Variants in HDAC9 observed in about 807,000 individuals in gnomAD.
HDAC9 encodes MEF-2 interacting transcription repressor (MITR) protein.
HDAC9 carries 41 observed loss-of-function variants against 139.4 expected under a neutral mutation model. The observed-to-expected ratio is 0.29, with a 90% CI of 0.23 to 0.38. The LOEUF is 0.38. Ranked by LOEUF, HDAC9 falls within the 10% of genes least tolerant of loss-of-function variation. The pLI, the probability that HDAC9 is intolerant of heterozygous loss-of-function variation, is 1.00. For missense variants in HDAC9, 1,147 were observed against 1,297.0 expected (o/e 0.88, Z 1.78); for synonymous variants, 517 against 476.2 (o/e 1.09, Z -1.12).
chr7:18,391,390 CA>C (rs1202080586), intron 1 of HDAC9, among the ~76,000 whole-genome samples: 14 of 147,000 alleles, frequency 9.5e-5, no homozygotes, highest in South Asian at 4.3e-4. Flanking sequence ...ATCCCCCCCC[CA>C]AAAAAAAAAG....
At chr7:18,584,932 ATT>A (rs59009987) in intron 2 of HDAC9, among the ~76,000 whole-genome samples, 30 of 150,462 alleles carry the variant, frequency 2.0e-4, no homozygotes, top group South Asian at 8.4e-4. Context: ...ACATAATTCC[ATT>A]TTTTTTTTTG....
intron 2 of HDAC9, among the ~76,000 whole-genome samples, chr7:18,176,851 C>T (rs1788948344): frequency 6.6e-6 from 1 of 152,032 alleles, no homozygotes; most frequent in Non-Finnish European, 1.5e-5. Flanking sequence ...CTTACTTTGG[C>T]TTTATGTTTA....
chr7:18,317,034 C>G (rs1799700333), intron 1 of HDAC9, among the ~76,000 whole-genome samples: 1 of 151,104 alleles, frequency 6.6e-6, no homozygotes, highest in African/African-American at 2.4e-5. Flanking sequence ...GCAGAGCTTG[C>G]AGTGAGCCGA....
At chr7:18,436,825 G>A (rs1456752601) in intron 1 of HDAC9, among the ~76,000 whole-genome samples, 1 of 152,102 alleles carries the variant, frequency 6.6e-6, no homozygotes, top group Non-Finnish European at 1.5e-5. Flanking sequence ...AGATGAATAA[G>A]GAATAGATTT....
intron 2 of HDAC9, among the ~76,000 whole-genome samples, chr7:18,529,993 G>A (rs1411229160): frequency 2.6e-5 from 4 of 151,878 alleles, no homozygotes; most frequent in African/African-American, 9.7e-5. Context: ...ATTACAGGTC[G>A]GGCACGGTGG....
chr7:18,344,229 C>T (rs1585271912), intron 1 of HDAC9, among the ~76,000 whole-genome samples: 1 of 151,720 alleles, frequency 6.6e-6, no homozygotes, highest in Non-Finnish European at 1.5e-5. Flanking sequence ...GTGTCTTGAA[C>T]CCAGTAGATG....
At chr7:18,414,441 G>A (rs1434351989) in intron 1 of HDAC9, among the ~76,000 whole-genome samples, 1 of 147,140 alleles carries the variant, frequency 6.8e-6, no homozygotes, top group African/African-American at 2.5e-5. Context: ...GTATTCAGTT[G>A]AGGTAAATAA....
chr7:18,092,171 A>G (rs1460315989), intron 1 of HDAC9, among the ~76,000 whole-genome samples: 1 of 152,148 alleles, frequency 6.6e-6, no homozygotes, highest in Non-Finnish European at 1.5e-5. Flanking sequence ...GAACTGCTTG[A>G]GTCCAGGAGT....
At position 18,631,959 on chromosome 7, in the gene HDAC9, A is replaced by G. The variant is rs1289180758; in HGVS notation, c.796+2478A>G. 2.0e-5 allele frequency among the ~76,000 whole-genome samples: 3 copies of G among 152,096 alleles called. No homozygotes were observed. In the East Asian group the frequency reaches 5.8e-4, roughly 29 times the overall value. ...TAGTGCTTATCACAGTGATTTCTAC[A>G]TAAGGAAATACTTCAGTCTTAATAT... On this transcript the variant is annotated intron_variant, in intron 7 of 25. Coordinates refer to ENST00000686413, the MANE Select transcript of HDAC9 (RefSeq NM_178425.4).
chr7:18,800,985 G>A (rs1793240696), intron 17 of HDAC9, among the ~76,000 whole-genome samples: 1 of 151,992 alleles, frequency 6.6e-6, no homozygotes, highest in South Asian at 2.1e-4. Context: ...TTTGCTAATT[G>A]TACATCATTA....
At chr7:18,504,278 G>A (rs968307244) in intron 2 of HDAC9, among the ~76,000 whole-genome samples, 12 of 152,010 alleles carry the variant, frequency 7.9e-5, no homozygotes, top group African/African-American at 2.9e-4. Context: ...TGATCTTCTA[G>A]TTGCTTAGTT....
chr7:18,227,044 GT>G (rs1158399207), intron 2 of HDAC9, among the ~76,000 whole-genome samples: 2 of 152,158 alleles, frequency 1.3e-5, no homozygotes, highest in African/African-American at 4.8e-5. Context: ...GATTAGTATA[GT>G]TTTATAAATT....
intron 1 of HDAC9, chr7:18,458,954 A>G (rs1475129786): frequency 1.5e-5 from 19 of 1,271,622 alleles, no homozygotes; most frequent in South Asian, 3.8e-5. Context: ...AGAGCTGAAC[A>G]TGAGTGGGTG....
At chr7:18,785,623 A>T (rs1013470700) in intron 16 of HDAC9, among the ~76,000 whole-genome samples, 3 of 152,208 alleles carry the variant, frequency 2.0e-5, no homozygotes, top group Admixed American at 2.0e-4. Flanking sequence ...CCGTGAAAGA[A>T]AAAACATTCT....
Position 18,552,319 on chromosome 7 carries a change from T to A in HDAC9, c.23-32962T>A, listed in dbSNP as rs949607773. The stretch of plus-strand genomic sequence containing the variant: ...TTGAGCCTGCAGACTATTTGGAAAT[T>A]AATTTGCATTTTTTTGGTGTGTATT... On this transcript the variant is annotated intron_variant, in intron 2 of 25. Coordinates refer to ENST00000686413, the MANE Select transcript of HDAC9 (RefSeq NM_178425.4). 2.0e-4 allele frequency among the ~76,000 whole-genome samples: 30 copies of A among 152,272 alleles called. No individual in the cohort carries two copies. The East Asian group carries it at 4.6e-3, about 23-fold the overall frequency.
At chr7:18,793,498 T>C in intron 17 of HDAC9, 46 bp downstream of exon 17, 1 of 1,194,326 alleles carries the variant, frequency 8.4e-7, no homozygotes, top group Non-Finnish European at 1.2e-6. Flanking sequence ...GAGAAGAAAC[T>C]GAAACAGAGA....
At chr7:18,235,314 C>G (rs552804677) in intron 2 of HDAC9, among the ~76,000 whole-genome samples, 17 of 152,020 alleles carry the variant, frequency 1.1e-4, no homozygotes, top group African/African-American at 4.1e-4. Flanking sequence ...CTCCGAGAGA[C>G]CCAGTATGTC....
intron 2 of HDAC9, among the ~76,000 whole-genome samples, chr7:18,178,146 C>T (rs1458464720): frequency 6.6e-6 from 1 of 151,580 alleles, no homozygotes; most frequent in Admixed American, 6.6e-5. Context: ...TGCAGTGGCA[C>T]AATCTTGGCT....
intron 1 of HDAC9, among the ~76,000 whole-genome samples, chr7:18,378,000 G>A (rs747331398): frequency 3.3e-5 from 5 of 152,138 alleles, no homozygotes; most frequent in African/African-American, 4.8e-5. Flanking sequence ...TTCCCCAGTA[G>A]ATGCAAGAAA....
Sources: allele counts gnomAD v4.1 joint callset (sites outside exome capture counted in the v4.1 genomes callset), GRCh38; gene constraint gnomAD v4.1.1; transcripts MANE v1.5; gene names NCBI Gene and HGNC (gene_info 2026-07-23, HGNC 2026-07-21).